Variants in ITFG1 observed in about 807,000 individuals in gnomAD.
The protein encoded by ITFG1 is integrin alpha FG-GAP repeat containing 1.
A neutral mutation model predicts 81.8 loss-of-function variants in ITFG1; 34 were observed. The observed-to-expected ratio is 0.42, with a 90% CI of 0.32 to 0.55. ITFG1 has a LOEUF of 0.55. Ranked by LOEUF, ITFG1 falls within the 20% of genes least tolerant of loss-of-function variation. ITFG1 has a pLI of 0.17. For synonymous variants in ITFG1, 285 were observed against 270.6 expected (o/e 1.05, Z -0.52); for missense variants, 672 against 755.4 (o/e 0.89, Z 1.29).
chr16:47,251,615 A>G (rs1333521481), intron 12 of ITFG1, among the ~76,000 whole-genome samples: 1 of 152,218 alleles, frequency 6.6e-6, no homozygotes, highest in Non-Finnish European at 1.5e-5. Context: ...TTCAAAGATG[A>G]GCATATTACA....
At chr16:47,413,664 C>T (rs1277630472) in intron 6 of ITFG1, among the ~76,000 whole-genome samples, 1 of 152,110 alleles carries the variant, frequency 6.6e-6, no homozygotes, top group Non-Finnish European at 1.5e-5. Flanking sequence ...CCACTGCACT[C>T]TAGCCTGGGC....
intron 6 of ITFG1, among the ~76,000 whole-genome samples, chr16:47,411,912 C>T (rs1028183114): frequency 1.3e-5 from 2 of 152,316 alleles, no homozygotes; most frequent in East Asian, 3.9e-4. Context: ...CCATCTACTG[C>T]ATAGCAACCT....
Position 47,204,579 on chromosome 16 carries a change from T to C in ITFG1, c.1453+14289A>G, listed in dbSNP as rs557395428. Among the ~76,000 whole-genome samples, 4 of 152,344 alleles carry C rather than the reference T, an allele frequency of 2.6e-5. No individual in the cohort carries two copies. The East Asian group carries it at 7.7e-4, about 29-fold the overall frequency. On this transcript the variant is annotated intron_variant, in intron 14 of 17. Transcript: ENST00000320640. ...TTAACTATTTCTTGTCTGACTGTTA[T>C]GCTAAGGAGGTATGCATACACACAT...
At chr16:47,173,773 G>C (rs1386579251) in intron 14 of ITFG1, among the ~76,000 whole-genome samples, 1 of 152,220 alleles carries the variant, frequency 6.6e-6, no homozygotes, top group African/African-American at 2.4e-5. Context: ...GGGCGCAGTG[G>C]CTCACGCCTA....
chr16:47,343,839 C>G (rs1967816620), intron 8 of ITFG1, among the ~76,000 whole-genome samples: 1 of 152,084 alleles, frequency 6.6e-6, no homozygotes, highest in Non-Finnish European at 1.5e-5. Flanking sequence ...AGCAATTTCC[C>G]TCCTACTAAA....
At chr16:47,159,985 A>C (rs1358893104) in intron 16 of ITFG1, among the ~76,000 whole-genome samples, 6 of 152,106 alleles carry the variant, frequency 3.9e-5, no homozygotes, top group Non-Finnish European at 8.8e-5. Context: ...AAAAATGTTG[A>C]GATTACGGAA....
intron 10 of ITFG1, among the ~76,000 whole-genome samples, chr16:47,302,714 C>T (rs1214494418): frequency 6.6e-6 from 1 of 152,220 alleles, no homozygotes; most frequent in Non-Finnish European, 1.5e-5. Flanking sequence ...ATTTTGACAA[C>T]TTCTCCGTAA....
chr16:47,366,035 G>A (rs950381066), intron 7 of ITFG1, among the ~76,000 whole-genome samples, 166 bp from the exon 8 acceptor site: 1 of 152,142 alleles, frequency 6.6e-6, no homozygotes, highest in Non-Finnish European at 1.5e-5. Context: ...TGAAGCAAAG[G>A]AAACTCCTGT....
intron 13 of ITFG1, among the ~76,000 whole-genome samples, chr16:47,226,232 C>G (rs2151529915): frequency 6.6e-6 from 1 of 152,156 alleles, no homozygotes; most frequent in African/African-American, 2.4e-5. Flanking sequence ...TGTGTGAGAC[C>G]CGAGTCTCGT....
At chr16:47,446,934 C>T (rs768389003) in intron 5 of ITFG1, among the ~76,000 whole-genome samples, 3 of 151,752 alleles carry the variant, frequency 2.0e-5, no homozygotes, top group Non-Finnish European at 2.9e-5. Flanking sequence ...GCAATCACGG[C>T]TCACTGCAGC....
At chr16:47,376,858 A>T (rs1968331214) in intron 6 of ITFG1, among the ~76,000 whole-genome samples, 2 of 150,498 alleles carry the variant, frequency 1.3e-5, no homozygotes, top group Non-Finnish European at 2.9e-5. Flanking sequence ...AGTCCCAGCC[A>T]CTTGGGAGGC....
intron 12 of ITFG1, among the ~76,000 whole-genome samples, chr16:47,257,293 T>A (rs1001793014): frequency 2.0e-5 from 3 of 152,186 alleles, no homozygotes; most frequent in Non-Finnish European, 4.4e-5. Flanking sequence ...AAGGTCACTG[T>A]ATACAAGATC....
intron 10 of ITFG1, among the ~76,000 whole-genome samples, chr16:47,272,248 A>G (rs1966350593): frequency 6.6e-6 from 1 of 152,216 alleles, no homozygotes; most frequent in Admixed American, 6.5e-5. Flanking sequence ...AAAGCTATAG[A>G]GACAGAAAGA....
chr16:47,347,105 C>A (rs1967866851), intron 8 of ITFG1, among the ~76,000 whole-genome samples: 1 of 152,242 alleles, frequency 6.6e-6, no homozygotes, highest in African/African-American at 2.4e-5. Flanking sequence ...CAGTCTACAG[C>A]TCCCAGCGTG....
At chr16:47,461,089 A>G, upstream of ITFG1, 1 of 1,473,742 alleles carries the variant, frequency 6.8e-7, no homozygotes. Flanking sequence ...GCCGCGCTTG[A>G]CGACAGCCGC....
chr16:47,211,420 G>A (rs1490623938), intron 14 of ITFG1, among the ~76,000 whole-genome samples: 1 of 152,188 alleles, frequency 6.6e-6, no homozygotes, highest in African/African-American at 2.4e-5. Flanking sequence ...TTTGCTGAGT[G>A]TGTGTTTTTT....
chr16:47,289,902 T>C (rs1271306056), intron 10 of ITFG1, among the ~76,000 whole-genome samples: 1 of 152,172 alleles, frequency 6.6e-6, no homozygotes, highest in Admixed American at 6.5e-5. Flanking sequence ...AGTTTCTTCA[T>C]GATTTTCTAT....
At chr16:47,458,167 C>T (rs1969477077) in intron 2 of ITFG1, among the ~76,000 whole-genome samples, 1 of 152,188 alleles carries the variant, frequency 6.6e-6, no homozygotes, top group Non-Finnish European at 1.5e-5. Flanking sequence ...GATGATTCCC[C>T]TCTTCTAATG....
chr16:47,439,188 A>G (rs1280223862), intron 5 of ITFG1, among the ~76,000 whole-genome samples: 2 of 152,204 alleles, frequency 1.3e-5, no homozygotes, highest in Admixed American at 6.5e-5. Flanking sequence ...GACTATGTGA[A>G]AAGATCAAAT....
Sources: allele counts gnomAD v4.1 joint callset (sites outside exome capture counted in the v4.1 genomes callset), GRCh38; gene constraint gnomAD v4.1.1; transcripts MANE v1.5; gene names NCBI Gene and HGNC (gene_info 2026-07-23, HGNC 2026-07-21).